Variants in STRN3 observed in about 807,000 individuals in gnomAD.
STRN3 encodes striatin-3.
A neutral mutation model predicts 95.6 loss-of-function variants in STRN3; 29 were observed. The observed-to-expected ratio is 0.30, with a 90% confidence interval of 0.23 to 0.41. The LOEUF (loss-of-function observed/expected upper bound fraction) is 0.41, where lower values mean the gene tolerates loss of function less well. Among genes scored for constraint, STRN3 ranks in the 10% least tolerant of loss-of-function variants. STRN3 has a pLI of 1.00. For missense variants in STRN3, 890 were observed against 972.1 expected (o/e 0.92, Z 1.12); for synonymous variants, 331 against 357.6 (o/e 0.93, Z 0.84).
chr14:30,903,289 T>C (rs1896373947), intron 15 of STRN3, among the ~76,000 whole-genome samples: 1 of 152,104 alleles, frequency 6.6e-6, no homozygotes, highest in Admixed American at 6.6e-5. Context: ...TAGTTACCTA[T>C]GTAGAGTAAT....
intron 1 of STRN3, among the ~76,000 whole-genome samples, chr14:30,998,711 T>C (rs1594562272): frequency 6.6e-6 from 1 of 152,342 alleles, no homozygotes; most frequent in South Asian, 2.1e-4. Context: ...GAGACTTCAG[T>C]AACCACAGAC....
chr14:31,012,820 G>C (rs566347683), intron 1 of STRN3, among the ~76,000 whole-genome samples: 2 of 151,552 alleles, frequency 1.3e-5, no homozygotes, highest in East Asian at 3.9e-4. Flanking sequence ...CTTGAAACCT[G>C]AAGGCAGAGG....
At chr14:31,024,046 A>G (rs1883648009) in intron 1 of STRN3, among the ~76,000 whole-genome samples, 1 of 152,182 alleles carries the variant, frequency 6.6e-6, no homozygotes, top group South Asian at 2.1e-4. Flanking sequence ...TGTTAAGGAG[A>G]CCTAGAAGGG....
intron 7 of STRN3, 86 bp from the exon 8 acceptor site, chr14:30,929,397 T>C: frequency 9.7e-7 from 1 of 1,031,454 alleles, no homozygotes; most frequent in East Asian, 2.4e-5. Context: ...CTTTACATAA[T>C]CATAATAAAA....
At chr14:30,922,841 G>C (rs537258306) in intron 8 of STRN3, among the ~76,000 whole-genome samples, 2 of 106,944 alleles carry the variant, frequency 1.9e-5, no homozygotes, top group Non-Finnish European at 3.9e-5. Flanking sequence ...GTGACTCTTC[G>C]GTTTTAAAAA....
intron 9 of STRN3, 76 bp from the exon 10 acceptor site, chr14:30,913,733 C>T (rs1896665086): frequency 2.7e-6 from 4 of 1,465,006 alleles, no homozygotes; most frequent in Non-Finnish European, 3.7e-6. Context: ...AAAATTTAAG[C>T]ACTTAACAGT....
At chr14:30,910,168 T>C (rs1268233108) in intron 13 of STRN3, among the ~76,000 whole-genome samples, 2 of 152,232 alleles carry the variant, frequency 1.3e-5, no homozygotes, top group Non-Finnish European at 2.9e-5. Context: ...TTTCCTCTTA[T>C]CCTTCAGATT....
At chr14:31,010,923 T>C (rs564574932) in intron 1 of STRN3, among the ~76,000 whole-genome samples, 227 of 152,296 alleles carry the variant, frequency 1.5e-3, no homozygotes, top group Middle Eastern at 0.01. Context: ...TCTGCAATCC[T>C]AGCTACTCAG....
intron 1 of STRN3, among the ~76,000 whole-genome samples, chr14:31,000,641 G>A (rs993082685): frequency 4.6e-5 from 7 of 152,034 alleles, no homozygotes; most frequent in Admixed American, 6.6e-5. Context: ...ATCTTCCCCA[G>A]GGACCCTGTT....
At position 30,964,920 on chromosome 14, in the gene STRN3, C is replaced by CAA. The variant is rs146091120; in HGVS notation, c.283-8680_283-8679dup. ...TGCACAACAGGGCAAGGCCCCTTCT[C>CAA]AAAAAAAAAAAGAAAAAAAAAGAGA... On this transcript the variant is annotated intron_variant, in intron 1 of 17. Transcript: ENST00000357479. Among the ~76,000 whole-genome samples, 1,378 of 143,764 alleles carry CAA rather than the reference C, an allele frequency of 9.6e-3. 47 individuals carry two copies. The East Asian group carries it at 0.14, about 14-fold the overall frequency. 94.3% of individuals were successfully genotyped at this position (143,764 alleles called of 152,430 possible).
rs900764551 is a variant in STRN3 at position 31,014,019 on chromosome 14, C to A, written c.282+11885G>T. Among the ~76,000 whole-genome samples the A allele has an allele frequency of 2.0e-5, 3 of 151,488 alleles. No homozygotes were observed. The East Asian group carries it at 5.8e-4, about 29-fold the overall frequency. ...TTGGGCTCAAGCGATCCTCCCGTCC[C>A]GGTTTCCCGAGTAGCTAGGACTACA... On this transcript the variant is annotated intron_variant, in intron 1 of 17. Coordinates refer to ENST00000357479, the MANE Select transcript of STRN3 (RefSeq NM_001083893.2).
intron 1 of STRN3, among the ~76,000 whole-genome samples, chr14:31,019,823 G>C (rs922134599): frequency 7.9e-5 from 12 of 151,782 alleles, no homozygotes; most frequent in Admixed American, 5.9e-4. Context: ...ATATACTTTA[G>C]GATACTGATG....
intron 8 of STRN3, among the ~76,000 whole-genome samples, chr14:30,922,663 G>C (rs1211129646): frequency 6.6e-6 from 1 of 152,086 alleles, no homozygotes; most frequent in East Asian, 1.9e-4. Flanking sequence ...ATCTGGAAAA[G>C]ATACGCTTAT....
chr14:30,983,881 A>T (rs7156429), intron 1 of STRN3, among the ~76,000 whole-genome samples: 27,967 of 152,170 alleles, frequency 0.18, 2,922 homozygotes, highest in Middle Eastern at 0.27. Flanking sequence ...ACCTTTAAAA[A>T]GTAAATGAAG....
chr14:31,009,521 G>T (rs1339524582), intron 1 of STRN3, among the ~76,000 whole-genome samples: 1 of 148,984 alleles, frequency 6.7e-6, no homozygotes, highest in African/African-American at 2.5e-5. Context: ...GCATTTGTAC[G>T]GAAAAAATTC....
chr14:30,924,569 T>G (rs1423414186), intron 8 of STRN3, among the ~76,000 whole-genome samples: 1 of 152,100 alleles, frequency 6.6e-6, no homozygotes, highest in Non-Finnish European at 1.5e-5. Context: ...TGGGATTACA[T>G]GCATGAACCA....
At chr14:30,930,902 G>A (rs1319511733) in intron 7 of STRN3, among the ~76,000 whole-genome samples, 1 of 151,948 alleles carries the variant, frequency 6.6e-6, no homozygotes, top group African/African-American at 2.4e-5. Flanking sequence ...GATACATTAT[G>A]AGCAAATATT....
chr14:31,004,068 G>A (rs1882602655), intron 1 of STRN3, among the ~76,000 whole-genome samples: 2 of 151,862 alleles, frequency 1.3e-5, no homozygotes, highest in Admixed American at 6.6e-5. Flanking sequence ...CATATTACTT[G>A]AGCCCAAGCA....
chr14:30,933,803 T>TGG (rs1388088749), intron 7 of STRN3, among the ~76,000 whole-genome samples: 1 of 152,188 alleles, frequency 6.6e-6, no homozygotes, highest in Non-Finnish European at 1.5e-5. Flanking sequence ...AGAAAATTGG[T>TGG]GGCAAAATTC....
Sources: allele counts gnomAD v4.1 joint callset (sites outside exome capture counted in the v4.1 genomes callset), GRCh38; gene constraint gnomAD v4.1.1; transcripts MANE v1.5; gene names NCBI Gene and HGNC (gene_info 2026-07-23, HGNC 2026-07-21).